The following FBXO39 variants were observed in gnomAD, a reference collection of about 807,000 sequenced individuals.
FBXO39 encodes F-box only protein 39.
A neutral mutation model predicts 36.6 loss-of-function variants in FBXO39; 22 were observed. The observed-to-expected ratio is 0.60, with a 90% confidence interval of 0.43 to 0.86. The LOEUF (loss-of-function observed/expected upper bound fraction) is 0.86, where lower values mean the gene tolerates loss of function less well. Among genes scored for constraint, FBXO39 ranks in the 40% least tolerant of loss-of-function variants. FBXO39 has a pLI of 0.00. For synonymous variants in FBXO39, 206 were observed against 205.8 expected (o/e 1.00, Z -0.01); for missense variants, 536 against 543.9 (o/e 0.99, Z 0.14).
intron 1 of FBXO39, among the ~76,000 whole-genome samples, chr17:6,777,467 T>C (rs1036328788): frequency 8.5e-5 from 13 of 152,270 alleles, no homozygotes; most frequent in East Asian, 5.8e-4. Context: ...GCATAGTATT[T>C]CATGGTGTAT....
intron 2 of FBXO39, among the ~76,000 whole-genome samples, chr17:6,781,184 T>C (rs1976505199): frequency 6.6e-6 from 1 of 152,186 alleles, no homozygotes; most frequent in Admixed American, 6.5e-5. Context: ...AGCCAGGAGG[T>C]GCCTTGCAGG....
At chr17:6,777,061 T>C (rs906632113) in intron 1 of FBXO39, among the ~76,000 whole-genome samples, 1 of 152,172 alleles carries the variant, frequency 6.6e-6, no homozygotes, top group Non-Finnish European at 1.5e-5. Context: ...ACAACCTTGC[T>C]AGGCCAAAAG....
chr17:6,778,913 C>T (rs1034613659), intron 1 of FBXO39, among the ~76,000 whole-genome samples: 3 of 152,130 alleles, frequency 2.0e-5, no homozygotes, highest in African/African-American at 7.2e-5. Context: ...ATTCCCACCA[C>T]AATGCCTGGA....
chr17:6,780,867 G>A lies in FBXO39; in HGVS notation c.999G>A (p.Leu333=), dbSNP rs1034479396. The A allele has an allele frequency of 8.7e-6, 14 of 1,612,674 alleles. No homozygotes were observed. Among genetic ancestry groups the A allele is most frequent in the African/African-American group, 2.7e-5 (2 of 74,896 alleles). ...TGAGACCCACTCTGATAGATCTCCT[G>A]CCCACCTTCCGGCACACTCTGCAGG... ...CSMRPTLIDL[L]PTFRHTLQKL... The change falls in exon 2 of 4, where the codon CTG becomes CTA. Residue 333 remains leucine (L), a synonymous_variant. Transcript: ENST00000321535.
chr17:6,784,716 T>G (rs1175724329), intron 2 of FBXO39, among the ~76,000 whole-genome samples: 1 of 151,824 alleles, frequency 6.6e-6, no homozygotes, highest in Non-Finnish European at 1.5e-5. Context: ...GAATGAAAGA[T>G]CTCTACAATG....
chr17:6,783,195 G>T (rs1423614713), intron 2 of FBXO39, among the ~76,000 whole-genome samples: 1 of 152,068 alleles, frequency 6.6e-6, no homozygotes, highest in Admixed American at 6.5e-5. Context: ...GATTAAGAAG[G>T]AAATTGAAAT....
At position 6,780,627 on chromosome 17, in the gene FBXO39, C is replaced by G. The variant is rs1177734849; in HGVS notation, c.759C>G (p.Thr253=). ...GTGAGAATGCCAGCACCCTCCGGAC[C>G]ATCAACATCAAATGCCACGTTCATG... ...NLCENASTLR[T]INIKCHVHDP... Residue 253 remains threonine (T), a synonymous_variant, in exon 2 of 4, where the codon ACC becomes ACG. Transcript: ENST00000321535. The G allele has an allele frequency of 1.9e-6, 3 of 1,614,086 alleles. No individual in the cohort carries two copies. The highest frequency in any genetic ancestry group is 1.7e-5 in the Admixed American group (1 of 60,008).
In FBXO39 at chr17:6,782,183, T is replaced by C. The variant is rs551691025; in HGVS notation, c.1023+1292T>C. On this transcript the variant is annotated intron_variant, in intron 2 of 3. Coordinates refer to ENST00000321535, the MANE Select transcript of FBXO39 (RefSeq NM_153230.3). ...TTTAGTTTTGCTGTTTATTAGTTTG[T>C]TTATGCAATAGTGTTAAGTTGTCAT... 6.6e-5 allele frequency among the ~76,000 whole-genome samples: 10 copies of C among 152,350 alleles called. No individual in the cohort carries two copies. The South Asian group carries it at 2.1e-3, about 32-fold the overall frequency.
At chr17:6,776,449 AC>A (rs1469026050) in intron 1 of FBXO39, among the ~76,000 whole-genome samples, 177 bp downstream of exon 1, 2 of 7,004 alleles carry the variant, frequency 2.9e-4, no homozygotes, top group African/African-American at 9.0e-4. Flanking sequence ...TGCCAGGCCA[AC>A]TCCCCCTCCC....
At chr17:6,781,336 G>C (rs1364939270) in intron 2 of FBXO39, among the ~76,000 whole-genome samples, 3 of 152,190 alleles carry the variant, frequency 2.0e-5, no homozygotes, top group East Asian at 3.8e-4. Flanking sequence ...TGGGGAGATA[G>C]AATGGGGAGG....
chr17:6,786,807 C>T lies in FBXO39; in HGVS notation c.1051C>T (p.His351Tyr). 6.2e-7 allele frequency: 1 copy of T among 1,611,738 alleles called. No individual in the cohort carries two copies. The highest frequency in any genetic ancestry group is 1.3e-5 in the African/African-American group (1 of 74,944). ...ATTAACTTGTGAATTCAACAACAACCATGAGTCACTCGACGAGGAGCTGCA... is the reference window on the plus strand; with the variant it reads ...ATTAACTTGTGAATTCAACAACAACTATGAGTCACTCGACGAGGAGCTGCA... ...QKLTCEFNNN[H>Y]ESLDEELHLL... The change falls in exon 3 of 4, where the codon CAT becomes TAT. Residue 351 changes from histidine to tyrosine, a missense_variant. By Grantham distance (83) the His-to-Tyr change is moderately conservative. Transcript: ENST00000321535.
At position 6,779,949 on chromosome 17, in the gene FBXO39, T is replaced by C. The variant is rs1299060413; in HGVS notation, c.81T>C (p.Val27=). Residue 27 remains valine, a synonymous_variant, in exon 2 of 4, where the codon GTT becomes GTC. Transcript: ENST00000321535. The part of the protein sequence containing the change: ...AFLPDLCLCR[V]FWWLGDRDRS... Reference sequence around the variant, plus strand: ...TGCCCGATTTGTGTCTGTGCCGTGTTTTCTGGTGGCTAGGAGACAGGGACA... The same window carrying C: ...TGCCCGATTTGTGTCTGTGCCGTGTCTTCTGGTGGCTAGGAGACAGGGACA... The C allele has an allele frequency of 3.7e-6, 6 of 1,614,074 alleles. No individual in the cohort carries two copies. The highest frequency in any genetic ancestry group is 1.7e-5 in the Admixed American group (1 of 59,998).
Position 6,780,827 on chromosome 17 carries a change from A to G in FBXO39, c.959A>G (p.Asp320Gly). The G allele has an allele frequency of 6.2e-7, 1 of 1,613,998 alleles. No individual in the cohort carries two copies. Among genetic ancestry groups the G allele is most frequent in the Non-Finnish European group, 8.5e-7 (1 of 1,180,020 alleles). Residue 320 changes from aspartate to glycine, a missense_variant, in exon 2 of 4, where the codon GAC becomes GGC. Transcript: ENST00000321535. ...SISLRSCYFS[D>G]PDCSMRPTLI... The stretch of plus-strand genomic sequence containing the variant: ...AGTCTGAGAAGCTGCTATTTCAGTG[A>G]CCCAGACTGTTCAATGAGACCCACT...
At chr17:6,783,219 AC>A (rs1208247071) in intron 2 of FBXO39, among the ~76,000 whole-genome samples, 1 of 152,248 alleles carries the variant, frequency 6.6e-6, no homozygotes, top group East Asian at 1.9e-4. Flanking sequence ...TTTGAAACAA[AC>A]AATATGCAGA....
chr17:6,783,031 A>C (rs1386095650), intron 2 of FBXO39, among the ~76,000 whole-genome samples: 1 of 152,176 alleles, frequency 6.6e-6, no homozygotes, highest in African/African-American at 2.4e-5. Context: ...GTCACAAAAA[A>C]GTCTTAAAAC....
chr17:6,784,352 AC>A (rs1317390549), intron 2 of FBXO39, among the ~76,000 whole-genome samples: 1 of 152,126 alleles, frequency 6.6e-6, no homozygotes, highest in Non-Finnish European at 1.5e-5. Flanking sequence ...AAGATCCAGA[AC>A]AGAGCAAGGA....
In FBXO39 at chr17:6,780,141, C is replaced by G; in HGVS notation, c.273C>G (p.His91Gln). ...AGAAGTTTGGTCGTTATCTGGAGCA[C>G]CTGGAGGTCAAATTCATGAATCCTT... is the stretch of plus-strand genomic sequence containing the variant. ...YVKKFGRYLE[H>Q]LEVKFMNPYN... Residue 91 changes from histidine (H) to glutamine (Q), a missense_variant, in exon 2 of 4, where the codon CAC (histidine) becomes CAG (glutamine). By Grantham distance (24) the His-to-Gln change is conservative. Coordinates refer to ENST00000321535, the MANE Select transcript of FBXO39 (RefSeq NM_153230.3). 1 of 1,614,198 alleles carries G rather than the reference C, an allele frequency of 6.2e-7. No homozygotes were observed. The highest frequency in any genetic ancestry group is 8.5e-7 in the Non-Finnish European group (1 of 1,180,046).
intron 2 of FBXO39, among the ~76,000 whole-genome samples, chr17:6,782,329 C>A (rs537192273): frequency 6.6e-6 from 1 of 152,100 alleles, no homozygotes; most frequent in Non-Finnish European, 1.5e-5. Flanking sequence ...AGAAAATCAC[C>A]TTCCCTAAAA....
Position 6,786,846 on chromosome 17 carries a change from T to G in FBXO39, c.1090T>G (p.Ser364Ala). The change falls in exon 3 of 4, where the codon TCC becomes GCC. Residue 364 changes from serine to alanine, a missense_variant. Transcript: ENST00000321535. ...CGAGGAGCTGCACCTCCTCATCATATCCTGCAGGAAGTTGTTTTACTTCAA... is the reference window on the plus strand; with the variant it reads ...CGAGGAGCTGCACCTCCTCATCATAGCCTGCAGGAAGTTGTTTTACTTCAA... ...LDEELHLLII[S>A]CRKLFYFKIW... 2 of 1,613,960 alleles carry G rather than the reference T, an allele frequency of 1.2e-6. No individual in the cohort carries two copies. Among genetic ancestry groups the G allele is most frequent in the Non-Finnish European group, 1.7e-6 (2 of 1,179,914 alleles).
Sources: gnomAD v4.1 joint callset for allele counts (sites outside exome capture counted in the v4.1 genomes callset) on GRCh38, gnomAD v4.1.1 for gene constraint, MANE v1.5 for transcripts, NCBI Gene and HGNC (gene_info 2026-07-23, HGNC 2026-07-21) for gene names.